Variants in RAP1GAP2 observed in about 807,000 individuals in gnomAD.
The protein encoded by RAP1GAP2 is RAP1 GTPase activating protein 2, also known as rap1 GTPase-activating protein 2.
RAP1GAP2 carries 27 observed loss-of-function variants against 95.0 expected under a neutral mutation model. That is an observed-to-expected ratio of 0.28 (90% CI 0.21 to 0.39). The LOEUF (loss-of-function observed/expected upper bound fraction) is 0.39. RAP1GAP2 is among the 10% of genes least tolerant of loss of function. The pLI, the probability that RAP1GAP2 is intolerant of heterozygous loss-of-function variation, is 1.00. For missense variants in RAP1GAP2, 771 were observed against 970.0 expected (o/e 0.79, Z 2.72); for synonymous variants, 373 against 380.9 (o/e 0.98, Z 0.24).
chr17:2,994,328 T>G (rs2151574907), intron 12 of RAP1GAP2, among the ~76,000 whole-genome samples: 1 of 152,318 alleles, frequency 6.6e-6, no homozygotes, highest in East Asian at 1.9e-4. Context: ...TATTTCATTT[T>G]CTTAAAGGAA....
chr17:2,820,302 A>T (rs2070227886), intron 2 of RAP1GAP2, among the ~76,000 whole-genome samples: 2 of 152,008 alleles, frequency 1.3e-5, no homozygotes, highest in Non-Finnish European at 2.9e-5. Context: ...TCGCAGCTCT[A>T]CTGGATGCTG....
rs1458174180 is a variant in RAP1GAP2, at chr17:2,904,493, C to T, written c.81-791C>T. Among the ~76,000 whole-genome samples the T allele has an allele frequency of 6.7e-6, 1 of 149,410 alleles. No homozygotes were observed. The highest frequency in any genetic ancestry group is 6.7e-5 in the Admixed American group (1 of 14,902). On this transcript the variant is annotated intron_variant, in intron 2 of 24. Transcript: ENST00000254695. The surrounding 1 kb of genome is among the most constrained non-coding windows in gnomAD (Gnocchi z 4.7). ...GTTTTACCTGCGGTTGCACGGCAGG[C>T]AGCCCTGTCTCCCGAGGACAGCTTT...
chr17:2,955,465 A>G (rs2044073383), intron 3 of RAP1GAP2, among the ~76,000 whole-genome samples: 1 of 152,140 alleles, frequency 6.6e-6, no homozygotes, highest in Non-Finnish European at 1.5e-5. Flanking sequence ...CCGTTTTTAA[A>G]TTGAGCTGTC....
intron 1 of RAP1GAP2, among the ~76,000 whole-genome samples, chr17:2,781,075 C>T (rs1027807993): frequency 2.5e-4 from 38 of 152,218 alleles, no homozygotes; most frequent in African/African-American, 8.0e-4. Context: ...GTGATGCCAA[C>T]GATACAAGGC....
intron 2 of RAP1GAP2, among the ~76,000 whole-genome samples, chr17:2,873,318 A>G (rs1384351559): frequency 6.8e-6 from 1 of 147,804 alleles, no homozygotes; most frequent in East Asian, 2.0e-4. Context: ...AAAAAAAAAA[A>G]AAAAAAATTA....
At chr17:2,775,808 T>G (rs535680064), upstream of RAP1GAP2, among the ~76,000 whole-genome samples, 13 of 152,262 alleles carry the variant, frequency 8.5e-5, no homozygotes, top group East Asian at 2.1e-3. Flanking sequence ...AGAGGACCCT[T>G]CGTTCCTTCT....
intron 2 of RAP1GAP2, among the ~76,000 whole-genome samples, chr17:2,803,869 A>C (rs544868593): frequency 6.6e-6 from 1 of 152,370 alleles, no homozygotes; most frequent in East Asian, 1.9e-4. Context: ...ACAGAGTGAG[A>C]CTATGTCTCA....
chr17:2,979,919 T>A (rs1176845152), intron 8 of RAP1GAP2, among the ~76,000 whole-genome samples: 3 of 151,924 alleles, frequency 2.0e-5, no homozygotes, highest in African/African-American at 7.2e-5. Flanking sequence ...CTCGGCCACC[T>A]TCCTCTTGGA....
At chr17:2,790,615 G>A (rs1755304977) in intron 1 of RAP1GAP2, among the ~76,000 whole-genome samples, 1 of 152,204 alleles carries the variant, frequency 6.6e-6, no homozygotes, top group Non-Finnish European at 1.5e-5. Context: ...GTCTGGATGG[G>A]GGAGGATCTG....
At position 2,827,817 on chromosome 17, in the gene RAP1GAP2, A is replaced by G. The variant is rs1345369714; in HGVS notation, c.80+27267A>G. The stretch of plus-strand genomic sequence containing the variant: ...TTTTATCAGCTTCCTATTAGAAAAA[A>G]AAAAAATCCCCTTGAAAAACAAGGG... On this transcript the variant is annotated intron_variant, in intron 2 of 24. Coordinates refer to ENST00000254695, the MANE Select transcript of RAP1GAP2 (RefSeq NM_015085.5). The surrounding 1 kb of genome is among the most constrained non-coding windows in gnomAD (Gnocchi z 4.1). Among the ~76,000 whole-genome samples the G allele has an allele frequency of 6.6e-6, 1 of 151,656 alleles. No individual in the cohort carries two copies. Among genetic ancestry groups the G allele is most frequent in the East Asian group, 1.9e-4 (1 of 5,172 alleles).
rs1475267891 is a variant in RAP1GAP2, at chr17:2,820,891, G to GTTTTTTTTTTTTTTTTTTTTT, written c.80+20341_80+20342insTTTTTTTTTTTTTTTTTTTTT. On this transcript the variant is annotated intron_variant, in intron 2 of 24. Transcript: ENST00000254695. Reference sequence around the variant, plus strand: ...TGCCCGCCACCACGGCCCGGATAATGGTTTTTTTTTTTTTTTTTGTATTTT... The same window carrying GTTTTTTTTTTTTTTTTTTTTT: ...TGCCCGCCACCACGGCCCGGATAATGTTTTTTTTTTTTTTTTTTTTTGTTTTTTTTTTTTTTTTTGTATTTT... Among the ~76,000 whole-genome samples the GTTTTTTTTTTTTTTTTTTTTT allele has an allele frequency of 2.2e-4, 25 of 114,000 alleles. 2 individuals are homozygous for GTTTTTTTTTTTTTTTTTTTTT. Among genetic ancestry groups the GTTTTTTTTTTTTTTTTTTTTT allele is most frequent in the South Asian group, 6.4e-4 (2 of 3,126 alleles). The allele number at this position is 114,000 out of a possible 152,430, so 74.8% of individuals were successfully genotyped here. A position where few individuals can be genotyped will look rare whatever the true frequency, so the allele number is the denominator to read the frequency against.
At chr17:2,767,151 C>T (rs946432568) in intron 1 of RAP1GAP2, among the ~76,000 whole-genome samples, 1 of 151,792 alleles carries the variant, frequency 6.6e-6, no homozygotes, top group African/African-American at 2.4e-5. Context: ...ATCACGAGGT[C>T]AGGAGTTCGA....
At chr17:3,014,437 T>C (rs189917384) in intron 17 of RAP1GAP2, among the ~76,000 whole-genome samples, 322 of 152,314 alleles carry the variant, frequency 2.1e-3, no homozygotes, top group African/African-American at 7.4e-3. Flanking sequence ...GCAGTGTCAT[T>C]GTGTGGTGCT....
intron 2 of RAP1GAP2, among the ~76,000 whole-genome samples, chr17:2,832,753 A>G (rs1454200730): frequency 1.3e-5 from 2 of 151,660 alleles, no homozygotes; most frequent in East Asian, 3.9e-4. Flanking sequence ...GAGGCGGGCG[A>G]TGGCTCGAGG....
chr17:2,755,739 G>C, exon 1 of RAP1GAP2: 1 of 348,236 alleles, frequency 2.9e-6, no homozygotes, highest in East Asian at 4.2e-5. Flanking sequence ...CCGGGCGCCG[G>C]GGGAGAAGCG....
chr17:2,898,087 A>AT (rs2041899324), intron 2 of RAP1GAP2, among the ~76,000 whole-genome samples: 2 of 151,746 alleles, frequency 1.3e-5, no homozygotes, highest in Admixed American at 6.6e-5. Context: ...TCATTTTTAA[A>AT]TTTTTTATGG....
At chr17:2,962,238 C>T (rs1425024543) in intron 4 of RAP1GAP2, 2 of 184,226 alleles carry the variant, frequency 1.1e-5, no homozygotes. Flanking sequence ...AATACCGCCT[C>T]CTTCATGATG....
chr17:2,899,365 C>A (rs1423887744), intron 2 of RAP1GAP2, among the ~76,000 whole-genome samples: 1 of 152,036 alleles, frequency 6.6e-6, no homozygotes, highest in Non-Finnish European at 1.5e-5. Flanking sequence ...CGCCACCACA[C>A]CTGGCTAATT....
intron 9 of RAP1GAP2, 36 bp from the exon 10 acceptor site, chr17:2,981,159 A>G: frequency 1.3e-6 from 2 of 1,596,926 alleles, no homozygotes; most frequent in Non-Finnish European, 1.7e-6. Flanking sequence ...CTCTACAGAT[A>G]TCATCCCTGA....
Sources: gnomAD v4.1 joint callset for allele counts (sites outside exome capture counted in the v4.1 genomes callset) on GRCh38, gnomAD v4.1.1 for gene constraint, Gnocchi (gnomAD v3.1) non-coding constraint, MANE v1.5 for transcripts, NCBI Gene and HGNC (gene_info 2026-07-23, HGNC 2026-07-21) for gene names.